The following TM6SF2 variants were observed in gnomAD, a reference collection of about 807,000 sequenced individuals.
The protein encoded by TM6SF2 is transmembrane 6 superfamily member 2.
TM6SF2 carries 29 observed loss-of-function variants against 41.0 expected under a neutral mutation model. The ratio of observed to expected loss-of-function variants is 0.71; its 90% CI spans 0.53 to 0.96. The LOEUF is 0.96. Among genes scored for constraint, TM6SF2 ranks in the 50% least tolerant of loss-of-function variants. The probability of loss-of-function intolerance (pLI) is 0.00; values close to 1 mark genes in which losing one functional copy is unlikely to be tolerated. For missense variants in TM6SF2, 475 were observed against 499.0 expected (o/e 0.95, Z 0.46); for synonymous variants, 200 against 209.1 (o/e 0.96, Z 0.37).
chr19:19,264,640 C>T lies in TM6SF2; in HGVS notation c.*24G>A, dbSNP rs1409384107. The T allele has an allele frequency of 2.1e-6, 3 of 1,441,724 alleles. No individual in the cohort carries two copies. The highest frequency in any genetic ancestry group is 2.9e-5 in the African/African-American group (2 of 68,214). 89.3% of individuals were successfully genotyped at this position (1,441,724 alleles called of 1,614,324 possible). On this transcript the variant is annotated 3_prime_UTR_variant, in exon 10 of 10. Coordinates refer to ENST00000389363, the MANE Select transcript of TM6SF2 (RefSeq NM_001001524.3). ...GCTGACTGGGCACGTAAACAGAGTC[C>T]TGGGTCCTGAGTCCACAGCTCTCTC...
At chr19:19,269,657 A>G (rs1372260778) in intron 5 of TM6SF2, 30 bp downstream of exon 5, 30 of 1,613,688 alleles carry the variant, frequency 1.9e-5, no homozygotes, top group African/African-American at 2.7e-5. Flanking sequence ...AGCCCAAGAG[A>G]ACCTGGATTT....
intron 6 of TM6SF2, 105 bp downstream of exon 6, chr19:19,268,525 A>T: frequency 6.9e-7 from 1 of 1,449,032 alleles, no homozygotes; most frequent in Non-Finnish European, 9.1e-7. Context: ...CTTTCTTGTG[A>T]CAAAGGAGAA....
At position 19,264,770 on chromosome 19, in the gene TM6SF2, T is replaced by A; in HGVS notation, c.1028A>T (p.Tyr343Phe). The change falls in exon 10 of 10, where the codon TAT becomes TTT. Residue 343 changes from tyrosine (Y) to phenylalanine (F), a missense_variant. Tyr to Phe is a conservative substitution (Grantham distance 22). This residue lies in a region of TM6SF2 where 190 missense variants were observed against 190.2 expected (regional missense o/e 1.00). Transcript: ENST00000389363. ...GGCCAGCAGGTGGGGGCCCAGCGCA[T>A]ACAGCAGATTGCACACGAAGAAGCA... ...WGCFFVCNLL[Y>F]ALGPHLLAYR... 1 of 1,610,728 alleles carries A rather than the reference T, an allele frequency of 6.2e-7. No individual in the cohort carries two copies. The highest frequency in any genetic ancestry group is 8.5e-7 in the Non-Finnish European group (1 of 1,178,642).
Position 19,268,645 on chromosome 19 carries a change from G to A in TM6SF2, c.594C>T (p.Arg198=), listed in dbSNP as rs747376552. ...KVFSQPRALT[R]CTANMVQEEQ... ...AGGCACTCACCATGTTGGCGGTGCA[G>A]CGGGTTAGCGCCCGGGGCTGGCTGA... Residue 198 remains arginine, a synonymous_variant, in exon 6 of 10, where the codon CGC becomes CGT. Transcript: ENST00000389363. The A allele has an allele frequency of 1.3e-6, 2 of 1,586,236 alleles. No homozygotes were observed. Among genetic ancestry groups the A allele is most frequent in the Non-Finnish European group, 1.7e-6 (2 of 1,171,412 alleles).
Position 19,264,851 on chromosome 19 carries a change from GC to G in TM6SF2, c.946del (p.Ala316LeufsTer55), listed in dbSNP as rs757823392. On this transcript the variant is annotated frameshift_variant, in exon 10 of 10. Transcript: ENST00000389363. LOFTEE classifies it low-confidence loss of function (END_TRUNC). ...IGQAQFSHMG[A>X]SMHLRTPFTY... ...GAAGGGTGTGCGCAGGTGCATGGAA[GC>G]CCCCATGTGCGAGAACTGTGCCTGG... 3.8e-6 allele frequency: 6 copies of G among 1,579,874 alleles called. No homozygotes were observed. In the East Asian group the frequency reaches 1.2e-4, roughly 32 times the overall value.
At chr19:19,272,374 C>T (rs2061026950) in intron 1 of TM6SF2, among the ~76,000 whole-genome samples, 1 of 152,204 alleles carries the variant, frequency 6.6e-6, no homozygotes, top group Admixed American at 6.5e-5. Flanking sequence ...GTGCCCATTA[C>T]ACTGATGAGG....
chr19:19,271,469 T>C (rs560746868), intron 1 of TM6SF2, among the ~76,000 whole-genome samples: 1 of 152,248 alleles, frequency 6.6e-6, no homozygotes, highest in East Asian at 1.9e-4. Context: ...GGGATATTCA[T>C]CAGCCTGTTT....
chr19:19,265,191 C>T (rs773666481), intron 9 of TM6SF2, among the ~76,000 whole-genome samples: 3 of 151,840 alleles, frequency 2.0e-5, no homozygotes, highest in South Asian at 2.1e-4. Context: ...GGACTACAGG[C>T]GTGCACCTCT....
In TM6SF2 at chr19:19,267,976, G is replaced by T. The variant is rs372372827; in HGVS notation, c.711+10C>A. The T allele has an allele frequency of 5.6e-6, 9 of 1,608,740 alleles. No homozygotes were observed. In the African/African-American group the frequency reaches 1.2e-4, roughly 22 times the overall value. On this transcript the variant is annotated intron_variant, in intron 7 of 9. Transcript: ENST00000389363. ...GCAGGGGAGGGGGAGACCAACCAGC[G>T]CAGACTCACCAGGCCCCGGAACAGA...
chr19:19,272,730 A>G (rs550069079), intron 1 of TM6SF2, among the ~76,000 whole-genome samples: 1 of 74,728 alleles, frequency 1.3e-5, no homozygotes, highest in South Asian at 4.9e-4. Context: ...TGTGTGTGTG[A>G]GCAGGAGTCA....
At chr19:19,273,061 T>TTC in intron 1 of TM6SF2, 60 bp downstream of exon 1, 28 of 305,436 alleles carry the variant, frequency 9.2e-5, no homozygotes, top group East Asian at 3.5e-4. Flanking sequence ...CCTCCAGTCC[T>TTC]CCCCGCCCCC....
At position 19,264,878 on chromosome 19, in the gene TM6SF2, T is replaced by C; in HGVS notation, c.925-5A>G. On this transcript the variant is annotated splice_region_variant and splice_polypyrimidine_tract_variant and intron_variant, in intron 9 of 9. Transcript: ENST00000389363. Reference sequence around the variant, plus strand: ...CCCCATGTGCGAGAACTGTGCCTGGTAGCCAGACAGGGAAGATGGATGTCA... The same window carrying C: ...CCCCATGTGCGAGAACTGTGCCTGGCAGCCAGACAGGGAAGATGGATGTCA... The C allele has an allele frequency of 6.5e-7, 1 of 1,541,374 alleles. No individual in the cohort carries two copies. Among genetic ancestry groups the C allele is most frequent in the Non-Finnish European group, 8.7e-7 (1 of 1,143,898 alleles).
chr19:19,266,649 G>A (rs1485868938), intron 8 of TM6SF2, 40 bp from the exon 9 acceptor site: 2 of 1,581,970 alleles, frequency 1.3e-6, no homozygotes, highest in East Asian at 2.3e-5. Context: ...CCTGTGAGAT[G>A]AGCAGCTACC....
In TM6SF2 at chr19:19,268,113, G is replaced by A. The variant is rs376854548; in HGVS notation, c.610-26C>T. On this transcript the variant is annotated intron_variant, in intron 6 of 9. Transcript: ENST00000389363. ...CTGGCCCAGGGGAGAGAAACAGACA[G>A]CATGAGAGGTAGTCAATGACAAGTA... The A allele has an allele frequency of 6.9e-4, 1,058 of 1,534,880 alleles. 5 individuals carry two copies. Among genetic ancestry groups the A allele is most frequent in the Non-Finnish European group, 8.3e-4 (920 of 1,112,640 alleles).
intron 5 of TM6SF2, 68 bp downstream of exon 5, chr19:19,269,619 G>T: frequency 6.3e-7 from 1 of 1,582,356 alleles, no homozygotes; most frequent in Non-Finnish European, 8.7e-7. Context: ...ATCCAATGGG[G>T]GTGCTTCTAG....
intron 2 of TM6SF2, 48 bp from the exon 3 acceptor site, chr19:19,270,490 G>GGGTGGGGACACGTGTA: frequency 6.4e-7 from 1 of 1,572,236 alleles, no homozygotes; most frequent in Non-Finnish European, 8.6e-7. Flanking sequence ...GGACACGTGT[G>GGGTGGGGACACGTGTA]GGTGGGGCTA....
chr19:19,264,403 T>C lies in TM6SF2; in HGVS notation c.*261A>G. 2 of 339,798 alleles carry C rather than the reference T, an allele frequency of 5.9e-6. No homozygotes were observed. The highest frequency in any genetic ancestry group is 1.1e-5 in the Non-Finnish European group (2 of 188,216). 21.0% of individuals were successfully genotyped at this position (339,798 alleles called of 1,614,324 possible). A position where few individuals can be genotyped will look rare whatever the true frequency, so the allele number is the denominator to read the frequency against. ...AAAGGGTTTTTACTGAAAGGATCCA[T>C]GGGGGGATGATGGGTAAGTTCTGGA... is the stretch of plus-strand genomic sequence containing the variant. On this transcript the variant is annotated 3_prime_UTR_variant, in exon 10 of 10. Transcript: ENST00000389363.
At chr19:19,272,995 G>T in intron 1 of TM6SF2, 126 bp downstream of exon 1, 1 of 709,332 alleles carries the variant, frequency 1.4e-6, no homozygotes, top group Non-Finnish European at 2.1e-6. Flanking sequence ...AGCTGAGCTG[G>T]GGCGCAGGGC....
At chr19:19,272,025 A>C (rs1390096923) in intron 1 of TM6SF2, among the ~76,000 whole-genome samples, 1 of 152,202 alleles carries the variant, frequency 6.6e-6, no homozygotes, top group East Asian at 1.9e-4. Context: ...TGCCTCTATT[A>C]ACTCCACCCT....
Sources: gnomAD v4.1 joint callset for allele counts (sites outside exome capture counted in the v4.1 genomes callset) on GRCh38, gnomAD v4.1.1 for gene constraint, gnomAD v4.1.1 regional missense constraint, MANE v1.5 for transcripts, NCBI Gene and HGNC (gene_info 2026-07-23, HGNC 2026-07-21) for gene names.